Variants in SHISA9 observed in about 807,000 individuals in gnomAD.
The protein encoded by SHISA9 is shisa family member 9, also known as protein shisa-9.
A neutral mutation model predicts 38.0 loss-of-function variants in SHISA9; 13 were observed. The observed-to-expected ratio is 0.34, with a 90% CI of 0.22 to 0.54. The LOEUF (loss-of-function observed/expected upper bound fraction) is 0.54, where lower values mean the gene tolerates loss of function less well. SHISA9 is among the 20% of genes least tolerant of loss of function. The pLI is 0.91. For missense variants in SHISA9, 538 were observed against 575.8 expected (o/e 0.93, Z 0.67); for synonymous variants, 275 against 242.0 (o/e 1.14, Z -1.27).
intron 2 of SHISA9, among the ~76,000 whole-genome samples, chr16:12,987,308 G>A (rs1263900655): frequency 6.6e-6 from 1 of 152,150 alleles, no homozygotes; most frequent in Admixed American, 6.6e-5. Flanking sequence ...CATTCTGACA[G>A]GTGTGAGATG....
At chr16:13,300,812 CTG>C in the SHISA9 span, among the ~76,000 whole-genome samples, 13 of 151,510 alleles carry the variant, frequency 8.6e-5, no homozygotes, top group South Asian at 2.1e-4. Context: ...CTTATTGGCT[CTG>C]TGATAAAATC....
the SHISA9 span, among the ~76,000 whole-genome samples, chr16:13,292,182 C>G: frequency 3.9e-5 from 6 of 151,900 alleles, no homozygotes; most frequent in Non-Finnish European, 7.4e-5. Context: ...TGACCCAAGA[C>G]CCTTGTTTCT....
At chr16:13,546,435 C>T in the SHISA9 span, among the ~76,000 whole-genome samples, 1 of 152,154 alleles carries the variant, frequency 6.6e-6, no homozygotes, top group African/African-American at 2.4e-5. Flanking sequence ...TTGTGTTTGT[C>T]TGGGAAAGAA....
At chr16:12,947,889 C>T (rs2071707642) in intron 2 of SHISA9, among the ~76,000 whole-genome samples, 1 of 152,140 alleles carries the variant, frequency 6.6e-6, no homozygotes. Context: ...CTCAAAATTG[C>T]CGGTTGTGGG....
At chr16:13,448,059 G>T in the SHISA9 span, among the ~76,000 whole-genome samples, 1 of 152,134 alleles carries the variant, frequency 6.6e-6, no homozygotes, top group Admixed American at 6.5e-5. Flanking sequence ...TTACTTCCAG[G>T]GTGGGTTTAG....
intron 1 of SHISA9, among the ~76,000 whole-genome samples, chr16:12,915,824 A>G (rs546851705): frequency 1.3e-5 from 2 of 152,332 alleles, no homozygotes; most frequent in South Asian, 4.1e-4. Context: ...AGACACACAC[A>G]TATACAACAA....
chr16:13,487,847 G>GGACT, the SHISA9 span, among the ~76,000 whole-genome samples: 2 of 152,204 alleles, frequency 1.3e-5, no homozygotes, highest in Admixed American at 1.3e-4. Flanking sequence ...TGGATACAGA[G>GGACT]GACTAGCTCC....
chr16:13,450,071 C>T, the SHISA9 span, among the ~76,000 whole-genome samples: 1 of 152,192 alleles, frequency 6.6e-6, no homozygotes, highest in South Asian at 2.1e-4. Flanking sequence ...GAGCCAAGAT[C>T]GCACCCCTGC....
chr16:13,255,415 A>G, the SHISA9 span, among the ~76,000 whole-genome samples: 1 of 151,958 alleles, frequency 6.6e-6, no homozygotes. Context: ...GTGTCTCTTT[A>G]TGTGTGTGTC....
chr16:13,137,114 C>T (rs1170416843), intron 2 of SHISA9, among the ~76,000 whole-genome samples: 1 of 152,194 alleles, frequency 6.6e-6, no homozygotes, highest in African/African-American at 2.4e-5. Context: ...AAGCCTGTCT[C>T]AGCTTGTGAG....
At chr16:13,539,103 G>A in the SHISA9 span, among the ~76,000 whole-genome samples, 1 of 151,638 alleles carries the variant, frequency 6.6e-6, no homozygotes, top group Non-Finnish European at 1.5e-5. Flanking sequence ...ATTATCTAGT[G>A]AGGATAAGGT....
In SHISA9 at chr16:12,951,178, A is replaced by C. The variant is rs900689694; in HGVS notation, c.691+34363A>C. On this transcript the variant is annotated intron_variant, in intron 2 of 4. Transcript: ENST00000558583. ...GGAGGTTGCAGTGAGCCAAGATCGC[A>C]CCACGGCACTCCAACCTGGGTGACA... Among the ~76,000 whole-genome samples the C allele has an allele frequency of 4.0e-5, 5 of 125,966 alleles. No homozygotes were observed. The East Asian group carries it at 1.4e-3, about 35-fold the overall frequency. 82.6% of individuals were successfully genotyped at this position (125,966 alleles called of 152,430 possible).
At chr16:13,118,124 G>T (rs2074048880) in intron 2 of SHISA9, among the ~76,000 whole-genome samples, 1 of 150,968 alleles carries the variant, frequency 6.6e-6, no homozygotes, top group Non-Finnish European at 1.5e-5. Flanking sequence ...GGAGGTTGCA[G>T]TGAGTGGAGA....
the SHISA9 span, among the ~76,000 whole-genome samples, chr16:13,389,461 A>C: frequency 6.6e-6 from 1 of 152,198 alleles, no homozygotes; most frequent in Non-Finnish European, 1.5e-5. Flanking sequence ...GCAGTTCACT[A>C]TGTACATGTG....
the SHISA9 span, among the ~76,000 whole-genome samples, chr16:13,337,116 G>A: frequency 7.0e-4 from 107 of 152,264 alleles, 1 homozygote; most frequent in Non-Finnish European, 1.1e-3. Flanking sequence ...GAGCCCATGC[G>A]CTTTGTCAAG....
At chr16:13,457,971 C>CCCTTCCTTCCTTCCTTTCTT in the SHISA9 span, among the ~76,000 whole-genome samples, 851 of 151,876 alleles carry the variant, frequency 5.6e-3, 6 homozygotes, top group Non-Finnish European at 8.8e-3. Flanking sequence ...CTTTCTTCCT[C>CCCTTCCTTCCTTCCTTTCTT]CCTTCCTTCC....
chr16:13,556,995 C>T, the SHISA9 span, among the ~76,000 whole-genome samples: 1 of 152,126 alleles, frequency 6.6e-6, no homozygotes, highest in African/African-American at 2.4e-5. Flanking sequence ...TGGAATCAAT[C>T]CCCTCCAGTA....
chr16:13,323,945 G>A, the SHISA9 span, among the ~76,000 whole-genome samples: 1 of 152,104 alleles, frequency 6.6e-6, no homozygotes, highest in Admixed American at 6.5e-5. Flanking sequence ...GGGTCATGGG[G>A]GCAGATTCCT....
At chr16:13,402,585 G>A in the SHISA9 span, among the ~76,000 whole-genome samples, 1 of 146,788 alleles carries the variant, frequency 6.8e-6, no homozygotes, top group Admixed American at 6.9e-5. Flanking sequence ...CACAATCTCA[G>A]CTCACTGTAA....
Sources: allele counts gnomAD v4.1 joint callset (sites outside exome capture counted in the v4.1 genomes callset), GRCh38; gene constraint gnomAD v4.1.1; transcripts MANE v1.5; gene names NCBI Gene and HGNC (gene_info 2026-07-23, HGNC 2026-07-21).